Variants in CEP126 observed in about 807,000 individuals in gnomAD.
CEP126 encodes the protein centrosomal protein of 126 kDa.
CEP126 carries 74 observed loss-of-function variants against 107.8 expected under a neutral mutation model. The observed-to-expected ratio is 0.69, with a 90% CI of 0.57 to 0.83. CEP126 has a LOEUF of 0.83. CEP126 is among the 40% of genes least tolerant of loss of function. The pLI is 0.00. For synonymous variants in CEP126, 449 were observed against 446.0 expected, an observed-to-expected ratio of 1.01 and a Z score of -0.08; for missense variants, 1,237 against 1,281.9, an observed-to-expected ratio of 0.96 and a Z score of 0.53.
chr11:101,973,040 A>G lies in CEP126; in HGVS notation c.2846-5307A>G, dbSNP rs189466805. Among the ~76,000 whole-genome samples, 54 of 152,294 alleles carry G rather than the reference A, an allele frequency of 3.5e-4. 1 individual carries two copies. The South Asian group carries it at 0.011, about 30-fold the overall frequency. On this transcript the variant is annotated intron_variant, in intron 6 of 10. Transcript: ENST00000263468. ...ATTCAATTATATGAATGTTCAAACA[A>G]TGTTTTCATTCTCCTATCACTGGAC...
At chr11:101,978,712 AGTT>A (rs1373874455) in intron 7 of CEP126, among the ~76,000 whole-genome samples, 9 of 152,242 alleles carry the variant, frequency 5.9e-5, no homozygotes, top group Admixed American at 1.3e-4. Flanking sequence ...TTATTATTTT[AGTT>A]GTTATTATTG....
At position 101,999,723 on chromosome 11, in the gene CEP126, A is replaced by G. The variant is rs1444234612; in HGVS notation, c.*2080A>G. ...GCCTTTGTGAATTAAAGTGGAAGAG[A>G]ATAACACTTTGCATGCTATAAACGT... is the stretch of plus-strand genomic sequence containing the variant. On this transcript the variant is annotated 3_prime_UTR_variant, in exon 11 of 11. Transcript: ENST00000263468. 6.6e-6 allele frequency: 1 copy of G among 152,184 alleles called. No homozygotes were observed. The highest frequency in any genetic ancestry group is 1.5e-5 in the Non-Finnish European group (1 of 68,038). The allele number at this position is 152,184 out of a possible 1,614,324, so 9.4% of individuals were successfully genotyped here.
At position 101,963,259 on chromosome 11, in the gene CEP126, T is replaced by C; in HGVS notation, c.2224T>C (p.Ser742Pro). The part of the protein sequence containing the change: ...EESKIPVHDD[S>P]KTKQGKPQRG... ...AAGTAAAATCCCTGTACATGATGATTCTAAAACTAAGCAAGGTAAGCCACA... is the reference window on the plus strand; with the variant it reads ...AAGTAAAATCCCTGTACATGATGATCCTAAAACTAAGCAAGGTAAGCCACA... Residue 742 changes from serine to proline, a missense_variant, in exon 6 of 11, where the codon TCT (serine) becomes CCT (proline). Ser to Pro is a moderately conservative substitution (Grantham distance 74, BLOSUM62 -1). This residue lies in a region of CEP126 where 1,134 missense variants were observed against 1,150.5 expected (regional missense o/e 0.99). Coordinates refer to ENST00000263468, the MANE Select transcript of CEP126 (RefSeq NM_020802.4). 6.2e-7 allele frequency: 1 copy of C among 1,613,990 alleles called. No individual in the cohort carries two copies.
intron 4 of CEP126, 54 bp from the exon 5 acceptor site, chr11:101,958,114 A>G: frequency 6.7e-7 from 1 of 1,482,092 alleles, no homozygotes; most frequent in Non-Finnish European, 9.3e-7. Context: ...ATACATATAG[A>G]AAGAAGTTAA....
At chr11:101,972,375 G>A (rs901951994) in intron 6 of CEP126, among the ~76,000 whole-genome samples, 3 of 151,794 alleles carry the variant, frequency 2.0e-5, no homozygotes, top group African/African-American at 7.3e-5. Context: ...GTAGTGAGCC[G>A]AGATCGCGCC....
intron 4 of CEP126, among the ~76,000 whole-genome samples, chr11:101,952,547 T>G (rs1421003010): frequency 6.6e-6 from 1 of 152,078 alleles, no homozygotes; most frequent in Non-Finnish European, 1.5e-5. Context: ...GAGATTAGAT[T>G]TGGTCAGTGA....
intron 7 of CEP126, among the ~76,000 whole-genome samples, chr11:101,981,345 G>T (rs1451645146): frequency 6.6e-6 from 1 of 152,080 alleles, no homozygotes; most frequent in Non-Finnish European, 1.5e-5. Context: ...CCAGGCTGGA[G>T]TGCAGTGGCA....
At chr11:101,931,102 A>G (rs1049496714) in intron 2 of CEP126, among the ~76,000 whole-genome samples, 1 of 152,188 alleles carries the variant, frequency 6.6e-6, no homozygotes, top group Non-Finnish European at 1.5e-5. Context: ...AAATCTAAGG[A>G]TAGTGAATGA....
chr11:101,936,725 A>G (rs11225073), intron 2 of CEP126, among the ~76,000 whole-genome samples: 13,948 of 152,128 alleles, frequency 0.092, 812 homozygotes, highest in East Asian at 0.27. Context: ...TCAGATTGAA[A>G]AAGTTTCCTC....
In CEP126 at chr11:101,997,961, C is replaced by G; in HGVS notation, c.*318C>G. On this transcript the variant is annotated 3_prime_UTR_variant, in exon 11 of 11. Coordinates refer to ENST00000263468, the MANE Select transcript of CEP126 (RefSeq NM_020802.4). ...CAAACAAACGTTTTTCCAAAGAATT[C>G]ACAGTGCTCCTTTGCAATTTATAGA... is the stretch of plus-strand genomic sequence containing the variant. The G allele has an allele frequency of 4.0e-6, 1 of 249,174 alleles. No homozygotes were observed. The highest frequency in any genetic ancestry group is 2.2e-5 in the African/African-American group (1 of 45,576). The allele number at this position is 249,174 out of a possible 1,614,324, so 15.4% of individuals were successfully genotyped here.
rs1940706247 is a variant in CEP126, at chr11:101,944,251, TGTTTTAAATATA to T, written c.249-12_249-1del. 1.3e-6 allele frequency: 2 copies of T among 1,547,114 alleles called. No individual in the cohort carries two copies. The highest frequency in any genetic ancestry group is 2.2e-5 in the Admixed American group (1 of 44,752). Reference sequence around the variant, plus strand: ...CCACCTATTTCTGTTGCCTACTTTGTGTTTTAAATATAGAGCTTTTGAGGAGAAACGAAAAGA... The same window carrying T: ...CCACCTATTTCTGTTGCCTACTTTGTGAGCTTTTGAGGAGAAACGAAAAGA... On this transcript the variant is annotated splice_acceptor_variant and splice_polypyrimidine_tract_variant and intron_variant, in intron 2 of 10. Transcript: ENST00000263468. LOFTEE classifies it high-confidence loss of function.
chr11:101,991,997 G>A (rs1941389234), intron 9 of CEP126, among the ~76,000 whole-genome samples: 1 of 152,028 alleles, frequency 6.6e-6, no homozygotes, highest in Non-Finnish European at 1.5e-5. Context: ...AAATCCATAG[G>A]GCATTGTGGA....
chr11:101,986,907 C>G lies in CEP126; in HGVS notation c.3110C>G (p.Thr1037Ser). 1.2e-6 allele frequency: 2 copies of G among 1,613,840 alleles called. No individual in the cohort carries two copies. The highest frequency in any genetic ancestry group is 1.7e-6 in the Non-Finnish European group (2 of 1,179,832). The change falls in exon 9 of 11, where the codon ACT (threonine) becomes AGT (serine). Residue 1037 changes from threonine to serine, a missense_variant. Thr to Ser is a moderately conservative substitution (Grantham distance 58). This residue lies in a region of CEP126 where 99 missense variants were observed against 114.4 expected (regional missense o/e 0.87). Transcript: ENST00000263468. Reference protein sequence around the residue: ...KASVPEDEILTVLNSKQIQKS... With the variant: ...KASVPEDEILSVLNSKQIQKS... The stretch of plus-strand genomic sequence containing the variant: ...TCAGTGCCGGAGGATGAGATTCTGA[C>G]TGTCTTGAATAGCAAACAGATACAG...
intron 4 of CEP126, chr11:101,956,438 A>G (rs1168694702): frequency 8.8e-6 from 4 of 456,322 alleles, no homozygotes; most frequent in African/African-American, 8.0e-5. Flanking sequence ...TCCACAAGCC[A>G]CAGCATTGTC....
rs138381705 is a variant in CEP126, at chr11:101,986,941, T to C, written c.3144T>C (p.Asn1048=). The stretch of plus-strand genomic sequence containing the variant: ...ATAGCAAACAGATACAGAAATCAAA[T>C]CTACCTTTAAATAAAACTCAACAAT... ...VLNSKQIQKS[N]LPLNKTQQFN... Residue 1048 remains asparagine, a synonymous_variant, in exon 9 of 11, where the codon AAT becomes AAC. Transcript: ENST00000263468. 2.6e-4 allele frequency: 419 copies of C among 1,613,778 alleles called. 3 individuals are homozygous for C. In the African/African-American group the frequency reaches 4.9e-3, roughly 19 times the overall value.
At chr11:101,932,898 T>C (rs1425663468) in intron 2 of CEP126, among the ~76,000 whole-genome samples, 1 of 152,196 alleles carries the variant, frequency 6.6e-6, no homozygotes, top group Admixed American at 6.5e-5. Flanking sequence ...CTTACTGTTA[T>C]ATACCAAACA....
intron 1 of CEP126, among the ~76,000 whole-genome samples, chr11:101,918,419 G>A (rs530784755): frequency 2.6e-5 from 4 of 152,294 alleles, no homozygotes; most frequent in Admixed American, 2.6e-4. Flanking sequence ...CTGCACTCCA[G>A]CCTAGGCAAC....
chr11:101,963,424 T>C lies in CEP126; in HGVS notation c.2389T>C (p.Leu797=). The C allele has an allele frequency of 6.2e-7, 1 of 1,614,068 alleles. No homozygotes were observed. The highest frequency in any genetic ancestry group is 8.5e-7 in the Non-Finnish European group (1 of 1,180,006). Residue 797 remains leucine (L), a synonymous_variant, in exon 6 of 11, where the codon TTA becomes CTA. Transcript: ENST00000263468. ...CATATTTACACAAGCTCAGGGAAAATTAATTATACCTTGTCCTCCTCCTCA... is the reference window on the plus strand; with the variant it reads ...CATATTTACACAAGCTCAGGGAAAACTAATTATACCTTGTCCTCCTCCTCA... The part of the protein sequence containing the change: ...VNIFTQAQGK[L]IIPCPPPQST...
chr11:101,930,948 A>G (rs1940490342), intron 2 of CEP126, among the ~76,000 whole-genome samples: 2 of 152,206 alleles, frequency 1.3e-5, no homozygotes, highest in African/African-American at 4.8e-5. Context: ...GAAATAGAAA[A>G]AGTATGTCTA....
Sources: allele counts gnomAD v4.1 joint callset (sites outside exome capture counted in the v4.1 genomes callset), GRCh38; gene constraint gnomAD v4.1.1; regional missense constraint gnomAD v4.1.1; transcripts MANE v1.5; gene names NCBI Gene and HGNC (gene_info 2026-07-23, HGNC 2026-07-21).